Variants in ODAD2 observed in about 807,000 individuals in gnomAD.
The protein encoded by ODAD2 is outer dynein arm-docking complex subunit 2.
Under a neutral mutation model 106.8 loss-of-function variants are expected in ODAD2, and 89 were observed. That is an observed-to-expected ratio of 0.83 (90% CI 0.70 to 0.99). The LOEUF is 0.99. ODAD2 is among the 50% of genes least tolerant of loss of function. The pLI is 0.00. For synonymous variants in ODAD2, 404 were observed against 436.2 expected, an observed-to-expected ratio of 0.93 and a Z score of 0.92; for missense variants, 1,168 against 1,238.5, an observed-to-expected ratio of 0.94 and a Z score of 0.85.
At chr10:27,991,391 G>A (rs1197930440) in intron 2 of ODAD2, among the ~76,000 whole-genome samples, 2 of 152,074 alleles carry the variant, frequency 1.3e-5, no homozygotes, top group Non-Finnish European at 2.9e-5. Context: ...AATTAATAAC[G>A]ATCTGCACAA....
chr10:27,890,846 T>G (rs959695261), intron 17 of ODAD2, among the ~76,000 whole-genome samples: 1 of 151,906 alleles, frequency 6.6e-6, no homozygotes, highest in African/African-American at 2.4e-5. Flanking sequence ...GCCAGATGGG[T>G]GCATACTTAG....
intron 7 of ODAD2, among the ~76,000 whole-genome samples, chr10:27,973,689 AT>A (rs1161630458): frequency 1.3e-5 from 2 of 152,072 alleles, no homozygotes; most frequent in Non-Finnish European, 2.9e-5. Context: ...TCTCCCACTG[AT>A]GGCCATTTAG....
intron 10 of ODAD2, among the ~76,000 whole-genome samples, chr10:27,959,173 A>AGAGGGGAGGGGAGTGGAGAG (rs1847932197): frequency 1.0e-5 from 1 of 97,032 alleles, no homozygotes; most frequent in Non-Finnish European, 1.9e-5. Flanking sequence ...AGAGGAGAGG[A>AGAGGGGAGGGGAGTGGAGAG]GAGGGGAGGG....
intron 17 of ODAD2, among the ~76,000 whole-genome samples, chr10:27,871,788 G>A (rs566345197): frequency 6.2e-4 from 95 of 152,252 alleles, no homozygotes; most frequent in Admixed American, 1.1e-3. Context: ...GTCAGGTAGC[G>A]TGATGCCTGC....
intron 11 of ODAD2, 35 bp downstream of exon 11, chr10:27,944,781 C>A: frequency 6.2e-7 from 1 of 1,613,460 alleles, no homozygotes; most frequent in Non-Finnish European, 8.5e-7. Flanking sequence ...AAGGTGGGAA[C>A]AAGACTCCGC....
At chr10:27,889,715 G>C (rs1233783689) in intron 17 of ODAD2, among the ~76,000 whole-genome samples, 1 of 152,166 alleles carries the variant, frequency 6.6e-6, no homozygotes, top group Non-Finnish European at 1.5e-5. Context: ...TGTACTCAAT[G>C]ATGTTGCAGC....
chr10:27,885,884 G>GA (rs1554800453), intron 17 of ODAD2, among the ~76,000 whole-genome samples: 144 of 100,106 alleles, frequency 1.4e-3, no homozygotes, highest in African/African-American at 5.8e-3. Context: ...TATTTGTTTG[G>GA]ATATATATAT....
rs137868851 is a variant in ODAD2 at position 27,894,286 on chromosome 10, G to A, written c.2610+13377C>T. On this transcript the variant is annotated intron_variant, in intron 17 of 19. Coordinates refer to ENST00000305242, the MANE Select transcript of ODAD2 (RefSeq NM_018076.5). ...AATATAACCAAGTGGGGAAAGTTTTGGATAGTGATATAAATACAACATGAG... is the reference window on the plus strand; with the variant it reads ...AATATAACCAAGTGGGGAAAGTTTTAGATAGTGATATAAATACAACATGAG... Among the ~76,000 whole-genome samples the A allele has an allele frequency of 3.5e-3, 535 of 151,928 alleles. 5 individuals carry two copies. Among genetic ancestry groups the A allele is most frequent in the African/African-American group, 0.012 (510 of 41,436 alleles).
At chr10:27,943,994 A>T (rs964227409) in intron 12 of ODAD2, among the ~76,000 whole-genome samples, 4 of 152,096 alleles carry the variant, frequency 2.6e-5, no homozygotes, top group Admixed American at 6.5e-5. Flanking sequence ...CATCTGCTTT[A>T]AAACTGTCCT....
Position 27,850,932 on chromosome 10 carries a change from G to C in ODAD2, c.3021+9693C>G, listed in dbSNP as rs536107722. 1.1e-4 allele frequency among the ~76,000 whole-genome samples: 17 copies of C among 152,308 alleles called. No homozygotes were observed. The South Asian group carries it at 3.3e-3, about 30-fold the overall frequency. On this transcript the variant is annotated intron_variant, in intron 19 of 19. Transcript: ENST00000305242. Reference sequence around the variant, plus strand: ...ACAGTCTGTCCGAGTTGAGGAGACAGAGCTGGAAGTCTGGGAGAACCACAG... The same window carrying C: ...ACAGTCTGTCCGAGTTGAGGAGACACAGCTGGAAGTCTGGGAGAACCACAG...
chr10:27,843,387 C>T (rs574840616), intron 19 of ODAD2, among the ~76,000 whole-genome samples: 64 of 152,204 alleles, frequency 4.2e-4, no homozygotes, highest in African/African-American at 1.5e-3. Flanking sequence ...TGTAGTGTAC[C>T]ACCCAGCATA....
chr10:27,897,889 G>A (rs1842956888), intron 17 of ODAD2, among the ~76,000 whole-genome samples: 1 of 152,002 alleles, frequency 6.6e-6, no homozygotes, highest in Admixed American at 6.6e-5. Context: ...AGACCTTGGG[G>A]CCAAGAGCAA....
intron 16 of ODAD2, among the ~76,000 whole-genome samples, chr10:27,921,735 CAA>C (rs201152921): frequency 0.2 from 23,073 of 117,088 alleles, 2,676 homozygotes; most frequent in African/African-American, 0.37. Context: ...ATCCCCAGTC[CAA>C]AAAAAAAAAA....
At chr10:27,822,056 A>C (rs1836656233) in intron 19 of ODAD2, among the ~76,000 whole-genome samples, 1 of 152,196 alleles carries the variant, frequency 6.6e-6, no homozygotes, top group South Asian at 2.1e-4. Flanking sequence ...GGACAGGCAC[A>C]AGGACTGGTT....
At chr10:27,863,398 C>T (rs1840211871) in intron 17 of ODAD2, among the ~76,000 whole-genome samples, 1 of 152,192 alleles carries the variant, frequency 6.6e-6, no homozygotes. Flanking sequence ...GGCAGAGAAT[C>T]GCCTTCTTCA....
At chr10:27,894,266 A>G (rs1842729217) in intron 17 of ODAD2, among the ~76,000 whole-genome samples, 1 of 152,192 alleles carries the variant, frequency 6.6e-6, no homozygotes, top group South Asian at 2.1e-4. Context: ...AATTCAATAT[A>G]ACCAAGTGGG....
At chr10:27,850,791 AGT>A (rs1456269214) in intron 19 of ODAD2, among the ~76,000 whole-genome samples, 1 of 152,226 alleles carries the variant, frequency 6.6e-6, no homozygotes, top group African/African-American at 2.4e-5. Context: ...AACAAAAGAC[AGT>A]GATTCTTGAG....
chr10:27,858,167 A>T (rs1839790093), intron 19 of ODAD2, among the ~76,000 whole-genome samples: 1 of 152,106 alleles, frequency 6.6e-6, no homozygotes, highest in Non-Finnish European at 1.5e-5. Context: ...TATCCAAGCA[A>T]ATATCAAATT....
intron 19 of ODAD2, among the ~76,000 whole-genome samples, chr10:27,829,028 T>C (rs1837278577): frequency 6.6e-6 from 1 of 152,144 alleles, no homozygotes; most frequent in African/African-American, 2.4e-5. Flanking sequence ...AAATACATGA[T>C]GGGATATAGA....
Sources: allele counts gnomAD v4.1 joint callset (sites outside exome capture counted in the v4.1 genomes callset), GRCh38; gene constraint gnomAD v4.1.1; transcripts MANE v1.5; gene names NCBI Gene and HGNC (gene_info 2026-07-23, HGNC 2026-07-21).